Variants in NPRL3 observed in about 807,000 individuals in gnomAD.
The protein encoded by NPRL3 is NPR3 like, GATOR1 complex subunit.
Under a neutral mutation model 57.2 loss-of-function variants are expected in NPRL3, and 23 were observed. The ratio of observed to expected loss-of-function variants is 0.40; its 90% CI spans 0.29 to 0.57. The LOEUF (loss-of-function observed/expected upper bound fraction) is 0.57, where lower values mean the gene tolerates loss of function less well. NPRL3 is among the 20% of genes least tolerant of loss of function. The pLI is 0.42. For missense variants in NPRL3, 691 were observed against 767.1 expected, an observed-to-expected ratio of 0.90 and a Z score of 1.17; for synonymous variants, 333 against 321.1, an observed-to-expected ratio of 1.04 and a Z score of -0.39.
Position 92,688 on chromosome 16 carries a change from G to A in NPRL3, c.1069C>T (p.Pro357Ser). The change falls in exon 11 of 14, where the codon CCA becomes TCA. Residue 357 changes from proline to serine, a missense_variant. Physicochemically the swap from Pro to Ser is moderately conservative, Grantham distance 74 (BLOSUM62 -1). Coordinates refer to ENST00000611875, the MANE Select transcript of NPRL3 (RefSeq NM_001077350.3). ...PLAEQFSHQFPSHDLPSVLAK... is the reference protein window; with the variant it reads ...PLAEQFSHQFSSHDLPSVLAK... The stretch of plus-strand genomic sequence containing the variant: ...AGAACGGACGGCAGGTCATGAGATG[G>A]GAACTGGTGGGAGAACTGCTCGGCC... 1 of 1,613,870 alleles carries A rather than the reference G, an allele frequency of 6.2e-7. No individual in the cohort carries two copies. The highest frequency in any genetic ancestry group is 8.5e-7 in the Non-Finnish European group (1 of 1,179,828).
intron 7 of NPRL3, 108 bp downstream of exon 7, chr16:110,417 G>A (rs1052724241): frequency 2.5e-6 from 2 of 806,678 alleles, no homozygotes; most frequent in Non-Finnish European, 4.1e-6. Flanking sequence ...TCACACCCCA[G>A]GAGAACAGTG....
At chr16:95,350 T>TACAC (rs142854412) in intron 9 of NPRL3, among the ~76,000 whole-genome samples, 1,370 of 110,912 alleles carry the variant, frequency 0.012, 46 homozygotes, top group African/African-American at 0.041. Flanking sequence ...TATATATATA[T>TACAC]ACACACACAC....
At chr16:136,382 G>C (rs1901079072) in intron 2 of NPRL3, among the ~76,000 whole-genome samples, 1 of 152,212 alleles carries the variant, frequency 6.6e-6, no homozygotes, top group Admixed American at 6.5e-5. Flanking sequence ...GACTTTGCTT[G>C]TGCTTAGAAA....
At chr16:110,420 G>A (rs1235664788) in intron 7 of NPRL3, 105 bp downstream of exon 7, 3 of 827,764 alleles carry the variant, frequency 3.6e-6, no homozygotes, top group South Asian at 3.1e-5. Context: ...CACCCCAGGA[G>A]AACAGTGGTC....
At chr16:115,233 C>T (rs1257560997) in intron 5 of NPRL3, among the ~76,000 whole-genome samples, 1 of 151,736 alleles carries the variant, frequency 6.6e-6, no homozygotes, top group African/African-American at 2.4e-5. Context: ...CCTTGGCCTC[C>T]CGAAGTGCTA....
intron 7 of NPRL3, among the ~76,000 whole-genome samples, chr16:107,865 T>C (rs931214224): frequency 2.0e-5 from 3 of 152,212 alleles, no homozygotes; most frequent in South Asian, 2.1e-4. Flanking sequence ...TGATTTTTGT[T>C]TGTAATCTAA....
At position 98,223 on chromosome 16, in the gene NPRL3, T is replaced by C. The variant is rs754229199; in HGVS notation, c.846A>G (p.Leu282=). 5 of 1,613,936 alleles carry C rather than the reference T, an allele frequency of 3.1e-6. 2 individuals are homozygous for C. In the South Asian group the frequency reaches 4.4e-5, roughly 14 times the overall value. Residue 282 remains leucine (L), a synonymous_variant, in exon 9 of 14, where the codon CTA becomes CTG. Coordinates refer to ENST00000611875, the MANE Select transcript of NPRL3 (RefSeq NM_001077350.3). ...CAGATGTGGTCTTGATCACCCGCACTAGGGCAGGGGAGCAGTCAATAGGAA... is the reference window on the plus strand; with the variant it reads ...CAGATGTGGTCTTGATCACCCGCACCAGGGCAGGGGAGCAGTCAATAGGAA... ...GELPIDCSPA[L]VRVIKTTSAV... is the part of the protein sequence containing the mutation.
At chr16:130,863 C>T (rs1400747837) in intron 2 of NPRL3, among the ~76,000 whole-genome samples, 1 of 152,190 alleles carries the variant, frequency 6.6e-6, no homozygotes, top group Non-Finnish European at 1.5e-5. Flanking sequence ...TAGAGGTTAG[C>T]ACAGGCTGGG....
chr16:94,999 C>T (rs1347315694), intron 9 of NPRL3, among the ~76,000 whole-genome samples: 1 of 152,142 alleles, frequency 6.6e-6, no homozygotes, highest in Non-Finnish European at 1.5e-5. Flanking sequence ...GAGAATTCGT[C>T]CTGCCTCTTC....
rs538870563 is a variant in NPRL3, at chr16:101,237, A to C, written c.630-728T>G. On this transcript the variant is annotated intron_variant, in intron 7 of 13. Transcript: ENST00000611875. ...GAAGACCCGTCACAGGTGCACGTCCAGGCAGAACAGTGGCTGTCTCAGAGG... is the reference window on the plus strand; with the variant it reads ...GAAGACCCGTCACAGGTGCACGTCCCGGCAGAACAGTGGCTGTCTCAGAGG... 9.9e-5 allele frequency among the ~76,000 whole-genome samples: 15 copies of C among 152,274 alleles called. No homozygotes were observed. In the South Asian group the frequency reaches 2.3e-3, roughly 23 times the overall value.
At chr16:122,901 G>A (rs957217140) in intron 3 of NPRL3, among the ~76,000 whole-genome samples, 3 of 152,212 alleles carry the variant, frequency 2.0e-5, no homozygotes, top group African/African-American at 7.2e-5. Flanking sequence ...CAGACACTGT[G>A]TGTACCTCCA....
intron 11 of NPRL3, chr16:90,145 A>G: frequency 2.1e-6 from 1 of 486,250 alleles, no homozygotes; most frequent in South Asian, 2.8e-5. Flanking sequence ...GGCTCCCACC[A>G]CACACCGGGG....
intron 8 of NPRL3, among the ~76,000 whole-genome samples, chr16:98,972 C>A (rs1899150097): frequency 6.6e-6 from 1 of 152,218 alleles, no homozygotes; most frequent in Admixed American, 6.5e-5. Flanking sequence ...AGGATTATGT[C>A]ACCCTCGGAA....
chr16:116,891 C>G (rs1052800875), intron 5 of NPRL3, among the ~76,000 whole-genome samples: 1 of 150,960 alleles, frequency 6.6e-6, no homozygotes, highest in African/African-American at 2.4e-5. Context: ...AGGAGACTCA[C>G]TTGAGCTTGG....
At chr16:86,964 C>A in intron 13 of NPRL3, 94 bp from the exon 14 acceptor site, 2 of 1,313,150 alleles carry the variant, frequency 1.5e-6, no homozygotes, top group Non-Finnish European at 2.1e-6. Flanking sequence ...CTGAGCTGCC[C>A]ACAGGCCTGA....
At position 100,543 on chromosome 16, in the gene NPRL3, A is replaced by C; in HGVS notation, c.630-34T>G. On this transcript the variant is annotated intron_variant, in intron 7 of 13. Coordinates refer to ENST00000611875, the MANE Select transcript of NPRL3 (RefSeq NM_001077350.3). ...AGTGGGCGCTGTTACCCGTTCACAT[A>C]AACTTTCTAACCATGCACACAGATC... is the stretch of plus-strand genomic sequence containing the variant. The C allele has an allele frequency of 2.0e-6, 3 of 1,493,988 alleles. No homozygotes were observed. The Admixed American group carries it at 7.0e-5, about 35-fold the overall frequency. 92.5% of individuals were successfully genotyped at this position (1,493,988 alleles called of 1,614,324 possible).
chr16:110,404 T>C, intron 7 of NPRL3, 121 bp downstream of exon 7: 1 of 682,518 alleles, frequency 1.5e-6, no homozygotes, highest in Non-Finnish European at 2.5e-6. Context: ...GGAACCCTGA[T>C]GCTCACACCC....
intron 7 of NPRL3, among the ~76,000 whole-genome samples, chr16:108,977 TTTC>T (rs1899659528): frequency 1.3e-5 from 2 of 149,024 alleles, no homozygotes; most frequent in Admixed American, 1.3e-4. Flanking sequence ...GCCTTTTTTT[TTTC>T]ATTTTTGATA....
chr16:100,535 G>T, intron 7 of NPRL3, 26 bp from the exon 8 acceptor site: 1 of 1,514,112 alleles, frequency 6.6e-7, no homozygotes, highest in South Asian at 1.3e-5. Flanking sequence ...GCTGTTACCC[G>T]TTCACATAAA....
Sources: allele counts gnomAD v4.1 joint callset (sites outside exome capture counted in the v4.1 genomes callset), GRCh38; gene constraint gnomAD v4.1.1; transcripts MANE v1.5; gene names NCBI Gene and HGNC (gene_info 2026-07-23, HGNC 2026-07-21).